Variants in HGD observed in about 807,000 individuals in gnomAD.
The protein encoded by HGD is homogentisate oxidase.
A neutral mutation model predicts 60.8 loss-of-function variants in HGD; 61 were observed. That is an observed-to-expected ratio of 1.00 (90% CI 0.82 to 1.24). HGD has a LOEUF of 1.24. Among genes scored for constraint, HGD ranks in the 50% most tolerant of loss-of-function variants. HGD has a pLI of 0.00. For missense variants in HGD, 542 were observed against 547.1 expected (o/e 0.99, Z 0.09); for synonymous variants, 212 against 187.7 (o/e 1.13, Z -1.06).
chr3:120,677,753 T>C (rs1050119758), intron 1 of HGD, among the ~76,000 whole-genome samples: 2 of 152,204 alleles, frequency 1.3e-5, no homozygotes, highest in African/African-American at 4.8e-5. Context: ...TAATACAAAC[T>C]TGCTGGTTTT....
At chr3:120,648,364 G>T (rs147895158) in intron 6 of HGD, among the ~76,000 whole-genome samples, 1 of 152,178 alleles carries the variant, frequency 6.6e-6, no homozygotes, top group African/African-American at 2.4e-5. Flanking sequence ...AGGCCAATGC[G>T]GCTCAAGTGG....
chr3:120,652,446 C>T, intron 5 of HGD, 146 bp downstream of exon 5: 1 of 672,764 alleles, frequency 1.5e-6, no homozygotes, highest in African/African-American at 1.8e-5. Context: ...ATCCCTCCGC[C>T]AGCCCCCAAA....
chr3:120,642,162 A>G (rs1169893746), intron 10 of HGD, among the ~76,000 whole-genome samples: 2 of 152,164 alleles, frequency 1.3e-5, no homozygotes, highest in South Asian at 2.1e-4. Flanking sequence ...GAAGGCCTCT[A>G]AAAGTTCCAA....
chr3:120,654,542 A>G (rs1941437115), intron 4 of HGD, among the ~76,000 whole-genome samples: 1 of 152,356 alleles, frequency 6.6e-6, no homozygotes, highest in South Asian at 2.1e-4. Context: ...AATCAACTAA[A>G]TTCTGGCATC....
chr3:120,642,254 G>C (rs1468550973), intron 10 of HGD, among the ~76,000 whole-genome samples: 1 of 152,196 alleles, frequency 6.6e-6, no homozygotes, highest in Non-Finnish European at 1.5e-5. Context: ...TCAGTGTCCT[G>C]CTATAGGAAG....
chr3:120,679,348 T>C (rs1187205015), intron 1 of HGD, among the ~76,000 whole-genome samples: 2 of 152,200 alleles, frequency 1.3e-5, no homozygotes, highest in Non-Finnish European at 2.9e-5. Context: ...ATGAAACTAC[T>C]GCTACATTTT....
chr3:120,642,506 T>C (rs1009571907), intron 10 of HGD, among the ~76,000 whole-genome samples: 1 of 152,206 alleles, frequency 6.6e-6, no homozygotes, highest in Non-Finnish European at 1.5e-5. Context: ...CTGGTAAATA[T>C]TTCACAACTA....
chr3:120,659,031 C>T (rs1480369659), intron 4 of HGD, among the ~76,000 whole-genome samples: 3 of 152,202 alleles, frequency 2.0e-5, no homozygotes, highest in Admixed American at 1.3e-4. Context: ...GGATGAACTG[C>T]CCCAAAGGTC....
chr3:120,660,318 G>T (rs1941624019), intron 4 of HGD, among the ~76,000 whole-genome samples: 1 of 152,134 alleles, frequency 6.6e-6, no homozygotes, highest in Non-Finnish European at 1.5e-5. Context: ...AATTTGTGGT[G>T]GTGAGTTTCA....
chr3:120,650,982 C>T, intron 5 of HGD, 117 bp from the exon 6 acceptor site: 1 of 827,796 alleles, frequency 1.2e-6, no homozygotes, highest in South Asian at 1.3e-5. Context: ...CCCTTTGGGA[C>T]CGGTGGGACG....
At chr3:120,646,919 T>G (rs1346218830) in intron 8 of HGD, 54 bp downstream of exon 8, 2 of 1,377,196 alleles carry the variant, frequency 1.5e-6, no homozygotes, top group Non-Finnish European at 2.1e-6. Context: ...CTGAAACATC[T>G]GACTGCTCCC....
intron 11 of HGD, 101 bp from the exon 12 acceptor site, chr3:120,638,682 C>A: frequency 7.3e-7 from 1 of 1,368,928 alleles, no homozygotes; most frequent in Non-Finnish European, 1.0e-6. Context: ...AAGTGACATT[C>A]TAATTTTTTT....
Position 120,646,323 on chromosome 3 carries a change from C to T in HGD, c.593G>A (p.Gly198Asp), listed in dbSNP as rs199536408. The T allele has an allele frequency of 6.2e-7, 1 of 1,613,674 alleles. No homozygotes were observed. The highest frequency in any genetic ancestry group is 8.5e-7 in the Non-Finnish European group (1 of 1,179,628). Reference protein sequence around the residue: ...FSIDVFEETRGYILEVYGVHF... With the variant: ...FSIDVFEETRDYILEVYGVHF... ...GACACCATAGACCTCCAAGATGTAG[C>T]CCCTGGTCTCCTCAAAGACATCTAT... Residue 198 changes from glycine to aspartate, a missense_variant, in exon 9 of 14, where the codon GGC becomes GAC. Physicochemically the swap from Gly to Asp is moderately conservative, Grantham distance 94 (BLOSUM62 -1). Coordinates refer to ENST00000283871, the MANE Select transcript of HGD (RefSeq NM_000187.4).
intron 4 of HGD, among the ~76,000 whole-genome samples, chr3:120,665,394 T>G (rs1707876401): frequency 6.6e-6 from 1 of 152,122 alleles, no homozygotes; most frequent in African/African-American, 2.4e-5. Flanking sequence ...AAAAATAAAT[T>G]TTAAAGGACT....
intron 3 of HGD, among the ~76,000 whole-genome samples, chr3:120,673,668 T>C (rs528332969): frequency 1.3e-5 from 2 of 152,302 alleles, no homozygotes; most frequent in Non-Finnish European, 2.9e-5. Flanking sequence ...CCACATATCA[T>C]GCCCAGTTCT....
At chr3:120,636,129 A>G (rs79055963) in intron 12 of HGD, among the ~76,000 whole-genome samples, 8 of 151,442 alleles carry the variant, frequency 5.3e-5, no homozygotes, top group Admixed American at 3.3e-4. Context: ...AAAAAAAAAA[A>G]AAAAGCCAGG....
intron 6 of HGD, among the ~76,000 whole-genome samples, chr3:120,650,280 A>T (rs1941298575): frequency 6.6e-6 from 1 of 152,214 alleles, no homozygotes; most frequent in Non-Finnish European, 1.5e-5. Context: ...GATCTAATGT[A>T]CACCTTATAT....
chr3:120,649,716 A>G (rs944707468), intron 6 of HGD, among the ~76,000 whole-genome samples: 1 of 152,176 alleles, frequency 6.6e-6, no homozygotes, highest in Non-Finnish European at 1.5e-5. Context: ...TGAGGGATTC[A>G]TCCCCTGTGA....
intron 4 of HGD, among the ~76,000 whole-genome samples, chr3:120,665,202 T>C (rs1707871611): frequency 6.6e-6 from 1 of 152,244 alleles, no homozygotes; most frequent in African/African-American, 2.4e-5. Flanking sequence ...CTTTTTTTTA[T>C]AATTTGCATG....
Sources: gnomAD v4.1 joint callset for allele counts (sites outside exome capture counted in the v4.1 genomes callset) on GRCh38, gnomAD v4.1.1 for gene constraint, MANE v1.5 for transcripts, NCBI Gene and HGNC (gene_info 2026-07-23, HGNC 2026-07-21) for gene names.